The following KCNMA1 variants were observed in gnomAD, a reference collection of about 807,000 sequenced individuals.
KCNMA1 encodes the protein potassium calcium-activated channel subfamily M alpha 1, also known as Calcium-activated potassium channel subunit alpha-1.
A neutral mutation model predicts 140.0 loss-of-function variants in KCNMA1; 29 were observed. The ratio of observed to expected loss-of-function variants is 0.21; its 90% CI spans 0.15 to 0.28. KCNMA1 has a LOEUF of 0.28. Among genes scored for constraint, KCNMA1 ranks in the 10% least tolerant of loss-of-function variants. The probability of loss-of-function intolerance (pLI) is 1.00; values close to 1 mark genes in which losing one functional copy is unlikely to be tolerated. For synonymous variants in KCNMA1, 612 were observed against 611.9 expected (o/e 1.00, Z 0.00); for missense variants, 880 against 1,602.2 (o/e 0.55, Z 7.70).
intron 14 of KCNMA1, among the ~76,000 whole-genome samples, chr10:77,066,923 C>T (rs896335726): frequency 1.3e-5 from 2 of 152,136 alleles, no homozygotes; most frequent in Non-Finnish European, 2.9e-5. Context: ...CATTTCAGAG[C>T]TCTTGTCAAC....
intron 14 of KCNMA1, among the ~76,000 whole-genome samples, chr10:77,039,869 TC>T (rs2094551094): frequency 7.1e-6 from 1 of 141,330 alleles, no homozygotes; most frequent in Non-Finnish European, 1.5e-5. Flanking sequence ...CTTTCCTTTT[TC>T]TTTTTTCTTT....
chr10:77,469,893 G>A lies in KCNMA1; in HGVS notation c.379-65870C>T, dbSNP rs538447430. On this transcript the variant is annotated intron_variant, in intron 1 of 27. Transcript: ENST00000286628. ...ATGGCACCACAGTGGCCGGGAAGCC[G>A]CTGATAGCTCCTCGGTCAGTCTTCA... 2.2e-4 allele frequency among the ~76,000 whole-genome samples: 33 copies of A among 152,320 alleles called. No individual in the cohort carries two copies. The South Asian group carries it at 2.3e-3, about 11-fold the overall frequency.
rs1162295906 is a variant in KCNMA1 at position 77,184,776 on chromosome 10, G to T, written c.696+47C>A. The T allele has an allele frequency of 4.2e-6, 5 of 1,196,800 alleles. No individual in the cohort carries two copies. In the East Asian group the frequency reaches 7.0e-5, roughly 17 times the overall value. 74.1% of individuals were successfully genotyped at this position (1,196,800 alleles called of 1,614,324 possible). A position where few individuals can be genotyped will look rare whatever the true frequency, so the allele number is the denominator to read the frequency against. On this transcript the variant is annotated intron_variant, in intron 4 of 27. Coordinates refer to ENST00000286628, the MANE Select transcript of KCNMA1 (RefSeq NM_001161352.2). Reference sequence around the variant, plus strand: ...TGAGGGGGATGATCCCTGGGTCCCAGACTGAAACACCCCATTGTGATACTG... The same window carrying T: ...TGAGGGGGATGATCCCTGGGTCCCATACTGAAACACCCCATTGTGATACTG...
At chr10:77,396,447 A>C (rs558230063) in intron 2 of KCNMA1, among the ~76,000 whole-genome samples, 73 of 152,284 alleles carry the variant, frequency 4.8e-4, no homozygotes, top group African/African-American at 1.7e-3. Flanking sequence ...AACAGAAGTG[A>C]ATGCAATGAA....
At chr10:77,075,833 G>A (rs536996535) in intron 13 of KCNMA1, among the ~76,000 whole-genome samples, 53 of 152,268 alleles carry the variant, frequency 3.5e-4, no homozygotes, top group African/African-American at 1.2e-3. Flanking sequence ...TTTGTTTCTG[G>A]AAACTTCGTC....
At chr10:77,293,656 C>T (rs766109312) in intron 2 of KCNMA1, among the ~76,000 whole-genome samples, 4 of 152,238 alleles carry the variant, frequency 2.6e-5, no homozygotes, top group Non-Finnish European at 5.9e-5. Context: ...CAACCTTCCC[C>T]TTGGCCTGCC....
intron 3 of KCNMA1, among the ~76,000 whole-genome samples, chr10:77,189,557 T>C (rs1598319888): frequency 6.6e-6 from 1 of 152,118 alleles, no homozygotes; most frequent in Non-Finnish European, 1.5e-5. Flanking sequence ...ACGGAGACCA[T>C]CATTTACAAG....
chr10:77,037,441 T>C (rs1442603802), intron 15 of KCNMA1, among the ~76,000 whole-genome samples: 1 of 152,200 alleles, frequency 6.6e-6, no homozygotes, highest in Admixed American at 6.5e-5. Flanking sequence ...CAGCAACTAG[T>C]TGATATCTAC....
chr10:77,043,408 G>A (rs1234288147), intron 14 of KCNMA1, among the ~76,000 whole-genome samples: 4 of 152,206 alleles, frequency 2.6e-5, no homozygotes, highest in Non-Finnish European at 4.4e-5. Flanking sequence ...ATGTAAAGTG[G>A]CACAGCCACT....
chr10:77,389,304 T>C (rs1223457343), intron 2 of KCNMA1, among the ~76,000 whole-genome samples: 2 of 152,156 alleles, frequency 1.3e-5, no homozygotes, highest in African/African-American at 2.4e-5. Context: ...GCCACAGTAA[T>C]GTTTCCTCGA....
chr10:77,157,879 C>A (rs189277542), intron 5 of KCNMA1, among the ~76,000 whole-genome samples: 1 of 152,176 alleles, frequency 6.6e-6, no homozygotes, highest in African/African-American at 2.4e-5. Context: ...TGGTCACCTG[C>A]GCCACCAACA....
At chr10:77,357,620 T>C (rs145650112) in intron 2 of KCNMA1, among the ~76,000 whole-genome samples, 4 of 152,236 alleles carry the variant, frequency 2.6e-5, no homozygotes, top group African/African-American at 7.2e-5. Context: ...CATTGGAATA[T>C]GTGATTTATT....
At chr10:77,317,163 A>C (rs940892535) in intron 2 of KCNMA1, among the ~76,000 whole-genome samples, 1 of 152,112 alleles carries the variant, frequency 6.6e-6, no homozygotes, top group African/African-American at 2.4e-5. Context: ...AGGATAACTC[A>C]AGACTGCCTT....
At chr10:76,920,032 AT>A (rs2054933726) in intron 23 of KCNMA1, among the ~76,000 whole-genome samples, 1 of 104,796 alleles carries the variant, frequency 9.5e-6, no homozygotes, top group African/African-American at 4.5e-5. Context: ...ATATATATAT[AT>A]ATATATATAT....
chr10:77,489,564 C>T (rs1011623037), intron 1 of KCNMA1, among the ~76,000 whole-genome samples: 2 of 152,166 alleles, frequency 1.3e-5, no homozygotes, highest in African/African-American at 4.8e-5. Flanking sequence ...ACCTCGAACT[C>T]CTGACCTCAG....
intron 23 of KCNMA1, among the ~76,000 whole-genome samples, chr10:76,941,069 A>AAGAGAAAG (rs1554961013): frequency 1.5e-5 from 1 of 68,750 alleles, no homozygotes; most frequent in African/African-American, 5.3e-5. Flanking sequence ...GAAAGAAAGA[A>AAGAGAAAG]AAAGAAAGAA....
chr10:77,058,583 G>C (rs1169790190), intron 14 of KCNMA1, among the ~76,000 whole-genome samples: 2 of 151,948 alleles, frequency 1.3e-5, no homozygotes, highest in Non-Finnish European at 2.9e-5. Flanking sequence ...AATGGAATCA[G>C]ACTACAAATC....
At chr10:76,916,904 C>T (rs560121528) in intron 23 of KCNMA1, among the ~76,000 whole-genome samples, 3 of 152,262 alleles carry the variant, frequency 2.0e-5, no homozygotes, top group African/African-American at 7.2e-5. Context: ...GCCATACTTT[C>T]AAAAAGAAAG....
At chr10:76,914,259 T>G in intron 24 of KCNMA1, 73 of 721,488 alleles carry the variant, frequency 1.0e-4, no homozygotes, top group Non-Finnish European at 1.5e-4. Flanking sequence ...CCACAGGTAG[T>G]TTGCATTTGT....
Sources: allele counts gnomAD v4.1 joint callset (sites outside exome capture counted in the v4.1 genomes callset), GRCh38; gene constraint gnomAD v4.1.1; transcripts MANE v1.5; gene names NCBI Gene and HGNC (gene_info 2026-07-23, HGNC 2026-07-21).